Variants in SLCO3A1 observed in about 807,000 individuals in gnomAD.
SLCO3A1 encodes PGE1 transporter.
Under a neutral mutation model 63.1 loss-of-function variants are expected in SLCO3A1, and 27 were observed. The observed-to-expected ratio is 0.43, with a 90% CI of 0.32 to 0.59. The LOEUF is 0.59. Among genes scored for constraint, SLCO3A1 ranks in the 20% least tolerant of loss-of-function variants. SLCO3A1 has a pLI of 0.09. For missense variants in SLCO3A1, 773 were observed against 945.8 expected (o/e 0.82, Z 2.40); for synonymous variants, 473 against 409.9 (o/e 1.15, Z -1.86).
At chr15:92,043,938 C>T (rs1288288290) in intron 2 of SLCO3A1, among the ~76,000 whole-genome samples, 2 of 152,158 alleles carry the variant, frequency 1.3e-5, no homozygotes, top group Admixed American at 6.5e-5. Context: ...GAGCCTGCTT[C>T]CTTTCTGCTT....
chr15:92,117,712 G>C (rs1034993142), intron 4 of SLCO3A1, among the ~76,000 whole-genome samples: 1 of 152,208 alleles, frequency 6.6e-6, no homozygotes, highest in African/African-American at 2.4e-5. Flanking sequence ...TACACCATCA[G>C]AACGTGCCAC....
At chr15:91,961,783 C>T (rs1005671014) in intron 2 of SLCO3A1, among the ~76,000 whole-genome samples, 1 of 152,236 alleles carries the variant, frequency 6.6e-6, no homozygotes, top group African/African-American at 2.4e-5. Flanking sequence ...CATTTATTTA[C>T]TTATTGTCAT....
intron 2 of SLCO3A1, among the ~76,000 whole-genome samples, chr15:92,013,121 G>A (rs1043751097): frequency 6.6e-6 from 1 of 152,208 alleles, no homozygotes; most frequent in Non-Finnish European, 1.5e-5. Flanking sequence ...GTGCAGATGG[G>A]TGGCTTTGCA....
At chr15:91,975,736 CCTATAA>C (rs1043133526) in intron 2 of SLCO3A1, among the ~76,000 whole-genome samples, 46 of 152,338 alleles carry the variant, frequency 3.0e-4, no homozygotes, top group African/African-American at 1.1e-3. Flanking sequence ...CTGACCTGTT[CCTATAA>C]CTATGAGATT....
intron 4 of SLCO3A1, among the ~76,000 whole-genome samples, chr15:92,113,371 A>G (rs577176987): frequency 1.3e-5 from 2 of 152,250 alleles, no homozygotes; most frequent in Admixed American, 1.3e-4. Flanking sequence ...GTGACCTTAA[A>G]GGAATCAATA....
rs542459686 is a variant in SLCO3A1 at position 92,080,938 on chromosome 15, C to CTGTGTGTGTG, written c.647-13905_647-13896dup. On this transcript the variant is annotated intron_variant, in intron 2 of 9. Coordinates refer to ENST00000318445, the MANE Select transcript of SLCO3A1 (RefSeq NM_013272.4). ...TTTCATTTTTATGGATACATAGTAGCTGTGTGTGTGTGTGTGTGTGTGTGT... is the reference window on the plus strand; with the variant it reads ...TTTCATTTTTATGGATACATAGTAGCTGTGTGTGTGTGTGTGTGTGTGTGTGTGTGTGTGT... Among the ~76,000 whole-genome samples the CTGTGTGTGTG allele has an allele frequency of 8.8e-3, 1,137 of 128,940 alleles. 24 individuals carry two copies. Among genetic ancestry groups the CTGTGTGTGTG allele is most frequent in the Middle Eastern group, 0.015 (4 of 264 alleles). 84.6% of individuals were successfully genotyped at this position (128,940 alleles called of 152,430 possible).
chr15:92,093,624 T>C (rs2047504021), intron 2 of SLCO3A1, among the ~76,000 whole-genome samples: 1 of 151,970 alleles, frequency 6.6e-6, no homozygotes, highest in Non-Finnish European at 1.5e-5. Flanking sequence ...AATGAATGAG[T>C]TCGGAGGAGG....
At chr15:92,162,356 G>A (rs150962873) in intron 9 of SLCO3A1, 1 of 171,338 alleles carries the variant, frequency 5.8e-6, no homozygotes, top group African/African-American at 2.4e-5. Flanking sequence ...CACCATGTTG[G>A]CCAGGCTGGT....
At chr15:92,100,642 A>G (rs115344573) in intron 3 of SLCO3A1, among the ~76,000 whole-genome samples, 1 of 152,254 alleles carries the variant, frequency 6.6e-6, no homozygotes, top group African/African-American at 2.4e-5. Flanking sequence ...CCCTACTTTT[A>G]TCTAAAACAA....
chr15:92,047,518 C>A lies in SLCO3A1; in HGVS notation c.647-47363C>A, dbSNP rs11633797. On this transcript the variant is annotated intron_variant, in intron 2 of 9. Coordinates refer to ENST00000318445, the MANE Select transcript of SLCO3A1 (RefSeq NM_013272.4). Reference sequence around the variant, plus strand: ...AAATATATATAAATATATATAAATACATAAATAAATATATAAATATATATA... The same window carrying A: ...AAATATATATAAATATATATAAATAAATAAATAAATATATAAATATATATA... 1.4e-3 allele frequency among the ~76,000 whole-genome samples: 27 copies of A among 18,858 alleles called. 1 individual carries two copies. Among genetic ancestry groups the A allele is most frequent in the South Asian group, 2.8e-3 (2 of 708 alleles). 12.4% of individuals were successfully genotyped at this position (18,858 alleles called of 152,430 possible).
rs115908169 is a variant in SLCO3A1, at chr15:91,913,359, C to T, written c.181-2634C>T. On this transcript the variant is annotated intron_variant, in intron 1 of 9. Coordinates refer to ENST00000318445, the MANE Select transcript of SLCO3A1 (RefSeq NM_013272.4). ...AATGGGTGTCATGGCCTTAGCCCCGCGCTGCTCACTGCCATTAGAATCACC... is the reference window on the plus strand; with the variant it reads ...AATGGGTGTCATGGCCTTAGCCCCGTGCTGCTCACTGCCATTAGAATCACC... Among the ~76,000 whole-genome samples the T allele has an allele frequency of 8.3e-3, 1,260 of 152,312 alleles. 18 individuals are homozygous for T. The highest frequency in any genetic ancestry group is 0.028 in the African/African-American group (1,180 of 41,552).
At chr15:91,887,174 A>C (rs1338872716) in intron 1 of SLCO3A1, among the ~76,000 whole-genome samples, 1 of 152,216 alleles carries the variant, frequency 6.6e-6, no homozygotes, top group Non-Finnish European at 1.5e-5. Context: ...GAGTTAATCC[A>C]GAGTGGGCCA....
At chr15:91,870,645 C>G (rs1350286178) in intron 1 of SLCO3A1, among the ~76,000 whole-genome samples, 1 of 152,178 alleles carries the variant, frequency 6.6e-6, no homozygotes, top group African/African-American at 2.4e-5. Context: ...CTGTAAGGCA[C>G]CAATTGTCTG....
Position 91,956,977 on chromosome 15 carries a change from G to GTATATATATTATATAGTA in SLCO3A1, c.646+40527_646+40528insTTATATAGTATATATATA, listed in dbSNP as rs1211504982. ...TAATTTATTTATATATATATATATA[G>GTATATATATTATATAGTA]TATATATAATATATAGTATATATTA... On this transcript the variant is annotated intron_variant, in intron 2 of 9. Transcript: ENST00000318445. 3.3e-4 allele frequency among the ~76,000 whole-genome samples: 3 copies of GTATATATATTATATAGTA among 9,004 alleles called. 1 individual carries two copies. Among genetic ancestry groups the GTATATATATTATATAGTA allele is most frequent in the African/African-American group, 2.7e-3 (3 of 1,096 alleles). 5.9% of individuals were successfully genotyped at this position (9,004 alleles called of 152,430 possible). A position where few individuals can be genotyped will look rare whatever the true frequency, so the allele number is the denominator to read the frequency against.
At position 92,047,575 on chromosome 15, in the gene SLCO3A1, T is replaced by TA. The variant is rs2046899668; in HGVS notation, c.647-47305dup. ...AAATATATAAATATATATATAAATATATATATAATATATATATAATATATA... is the reference window on the plus strand; with the variant it reads ...AAATATATAAATATATATATAAATATAATATATAATATATATATAATATATA... On this transcript the variant is annotated intron_variant, in intron 2 of 9. Coordinates refer to ENST00000318445, the MANE Select transcript of SLCO3A1 (RefSeq NM_013272.4). Among the ~76,000 whole-genome samples the TA allele has an allele frequency of 1.4e-4, 3 of 21,534 alleles. 1 individual carries two copies. The highest frequency in any genetic ancestry group is 2.3e-4 in the Non-Finnish European group (3 of 13,002). 14.1% of individuals were successfully genotyped at this position (21,534 alleles called of 152,430 possible).
intron 1 of SLCO3A1, among the ~76,000 whole-genome samples, chr15:91,864,331 C>T (rs1897115510): frequency 1.3e-5 from 2 of 152,192 alleles, no homozygotes; most frequent in Admixed American, 1.3e-4. Flanking sequence ...AGCCAGCTCA[C>T]ATTCGCTGGC....
At chr15:91,978,978 G>A (rs1477087998) in intron 2 of SLCO3A1, among the ~76,000 whole-genome samples, 1 of 152,230 alleles carries the variant, frequency 6.6e-6, no homozygotes, top group Non-Finnish European at 1.5e-5. Context: ...GGCACTGATT[G>A]ATTACTAAAA....
At chr15:91,939,131 G>A (rs956511299) in intron 2 of SLCO3A1, among the ~76,000 whole-genome samples, 8 of 152,164 alleles carry the variant, frequency 5.3e-5, no homozygotes, top group African/African-American at 1.7e-4. Flanking sequence ...CAGGAAGCTA[G>A]TGCCAGCATC....
chr15:92,001,736 C>T (rs915349879), intron 2 of SLCO3A1, among the ~76,000 whole-genome samples: 1 of 151,938 alleles, frequency 6.6e-6, no homozygotes, highest in African/African-American at 2.4e-5. Flanking sequence ...TCTATCCCAA[C>T]CAACCAGCTA....
Sources: gnomAD v4.1 joint callset for allele counts (sites outside exome capture counted in the v4.1 genomes callset) on GRCh38, gnomAD v4.1.1 for gene constraint, MANE v1.5 for transcripts, NCBI Gene and HGNC (gene_info 2026-07-23, HGNC 2026-07-21) for gene names.